ZNF407: variants seen among roughly 807,000 people sequenced by gnomAD.
ZNF407 encodes zinc finger protein 407.
Under a neutral mutation model 131.2 loss-of-function variants are expected in ZNF407, and 17 were observed. The ratio of observed to expected loss-of-function variants is 0.13; its 90% CI spans 0.09 to 0.19. ZNF407 has a LOEUF of 0.19. Ranked by LOEUF, ZNF407 falls within the 10% of genes least tolerant of loss-of-function variation. The probability of loss-of-function intolerance (pLI) is 1.00; values close to 1 mark genes in which losing one functional copy is unlikely to be tolerated. For missense variants in ZNF407, 2,681 were observed against 2,830.6 expected, an observed-to-expected ratio of 0.95 and a Z score of 1.20; for synonymous variants, 1,156 against 1,062.0, an observed-to-expected ratio of 1.09 and a Z score of -1.72.
Position 74,631,903 on chromosome 18 carries a change from C to T in ZNF407, c.884C>T (p.Thr295Ile). The change falls in exon 2 of 9, where the codon ACA becomes ATA. Residue 295 changes from threonine to isoleucine, a missense_variant. Thr to Ile is a moderately conservative substitution (Grantham distance 89, BLOSUM62 -1). This residue lies in a region of ZNF407 where 1,789 missense variants were observed against 1,748.7 expected (regional missense o/e 1.02). Coordinates refer to ENST00000299687, the MANE Select transcript of ZNF407 (RefSeq NM_017757.3). Reference protein sequence around the residue: ...TKQPFPKKSRTMATKNVHSKP... With the variant: ...TKQPFPKKSRIMATKNVHSKP... ...CAACCTTTTCCTAAAAAATCACGTA[C>T]AATGGCAACAAAAAATGTTCACTCA... is the stretch of plus-strand genomic sequence containing the variant. The T allele has an allele frequency of 6.2e-7, 1 of 1,613,778 alleles. No homozygotes were observed. The highest frequency in any genetic ancestry group is 8.5e-7 in the Non-Finnish European group (1 of 1,179,850).
intron 1 of ZNF407, among the ~76,000 whole-genome samples, chr18:74,627,310 G>A (rs997673254): frequency 6.6e-6 from 1 of 152,054 alleles, no homozygotes; most frequent in African/African-American, 2.4e-5. Context: ...TAAGATTTTG[G>A]GTGGTGTTTG....
chr18:74,715,744 T>C (rs1967878921), intron 3 of ZNF407, among the ~76,000 whole-genome samples: 1 of 152,220 alleles, frequency 6.6e-6, no homozygotes, highest in African/African-American at 2.4e-5. Flanking sequence ...TACAAGATGA[T>C]TTGAAATTTT....
Position 75,048,375 on chromosome 18 carries a change from T to C in ZNF407, c.5429-14775T>C, listed in dbSNP as rs1973459922. 6.6e-6 allele frequency among the ~76,000 whole-genome samples: 1 copy of C among 152,254 alleles called. No homozygotes were observed. Among genetic ancestry groups the C allele is most frequent in the African/African-American group, 2.4e-5 (1 of 41,460 alleles). ...TCCATGACCTCAGGTCTTGACTTTT[T>C]GGCTTTCTTGACTGGCTCTGACTGT... On this transcript the variant is annotated intron_variant, in intron 8 of 8. Transcript: ENST00000299687. The surrounding 1 kb of genome is among the most constrained non-coding windows in gnomAD (Gnocchi z 4.1).
intron 4 of ZNF407, among the ~76,000 whole-genome samples, chr18:74,866,753 A>G (rs1004566165): frequency 2.0e-5 from 3 of 149,758 alleles, no homozygotes; most frequent in African/African-American, 7.3e-5. Context: ...TATTTTATTC[A>G]TTGATTATTT....
chr18:74,797,987 T>C (rs745986246), intron 4 of ZNF407, among the ~76,000 whole-genome samples: 2 of 152,052 alleles, frequency 1.3e-5, no homozygotes, highest in Non-Finnish European at 2.9e-5. Flanking sequence ...TCTGGAATAG[T>C]GTACATGGGG....
At chr18:75,037,065 C>G (rs1252303345) in intron 8 of ZNF407, among the ~76,000 whole-genome samples, 1 of 152,194 alleles carries the variant, frequency 6.6e-6, no homozygotes, top group Non-Finnish European at 1.5e-5. Flanking sequence ...GTCAAATACA[C>G]ACAGACATCC....
intron 3 of ZNF407, among the ~76,000 whole-genome samples, chr18:74,669,521 G>T (rs1178715273): frequency 2.6e-5 from 4 of 152,146 alleles, no homozygotes; most frequent in Non-Finnish European, 4.4e-5. Context: ...GGCATCCAGT[G>T]TAGAGACCAT....
chr18:75,002,557 C>A (rs1972858117), intron 8 of ZNF407, among the ~76,000 whole-genome samples: 1 of 152,130 alleles, frequency 6.6e-6, no homozygotes, highest in Non-Finnish European at 1.5e-5. Flanking sequence ...AATCCCAGCA[C>A]TTTGGGAGGA....
chr18:74,928,833 G>C (rs1004853839), intron 8 of ZNF407, among the ~76,000 whole-genome samples: 2 of 152,212 alleles, frequency 1.3e-5, no homozygotes, highest in Non-Finnish European at 2.9e-5. Context: ...CCCTTTGGCC[G>C]AGAAGGGGAC....
chr18:74,754,894 G>A (rs558471042), intron 3 of ZNF407, among the ~76,000 whole-genome samples: 136 of 152,154 alleles, frequency 8.9e-4, no homozygotes, highest in African/African-American at 2.7e-3. Context: ...GTTCAATCCC[G>A]GATGTCCTTG....
At chr18:74,873,199 C>T (rs183591919) in intron 4 of ZNF407, among the ~76,000 whole-genome samples, 1 of 152,284 alleles carries the variant, frequency 6.6e-6, no homozygotes, top group East Asian at 1.9e-4. Context: ...TATTCTTTAA[C>T]TTTATTCATG....
At chr18:74,614,726 A>G (rs956778152) in intron 1 of ZNF407, among the ~76,000 whole-genome samples, 4 of 152,244 alleles carry the variant, frequency 2.6e-5, no homozygotes, top group Admixed American at 6.5e-5. Flanking sequence ...AGCTAGATTT[A>G]TAAATGATTG....
intron 4 of ZNF407, among the ~76,000 whole-genome samples, chr18:74,868,002 T>A (rs926799236): frequency 6.6e-6 from 1 of 152,250 alleles, no homozygotes; most frequent in Non-Finnish European, 1.5e-5. Context: ...TTTTCTTTTT[T>A]CTGTAAGCCT....
At position 74,754,907 on chromosome 18, in the gene ZNF407, A is replaced by C. The variant is rs145489385; in HGVS notation, c.4803-26521A>C. On this transcript the variant is annotated intron_variant, in intron 3 of 8. Transcript: ENST00000299687. ...GAGTTCAATCCCGGATGTCCTTGTTAACTTTCTGTCTCATTGATCTGTCTA... is the reference window on the plus strand; with the variant it reads ...GAGTTCAATCCCGGATGTCCTTGTTCACTTTCTGTCTCATTGATCTGTCTA... 4.0e-3 allele frequency among the ~76,000 whole-genome samples: 615 copies of C among 152,212 alleles called. 1 individual carries two copies. Among genetic ancestry groups the C allele is most frequent in the African/African-American group, 0.014 (584 of 41,518 alleles).
intron 3 of ZNF407, among the ~76,000 whole-genome samples, chr18:74,766,051 GTGTGTC>G (rs1187388837): frequency 1.8e-5 from 1 of 55,574 alleles, no homozygotes; most frequent in African/African-American, 5.3e-5. Flanking sequence ...GTGTGTGTGT[GTGTGTC>G]TGTGTCTGTG....
intron 4 of ZNF407, among the ~76,000 whole-genome samples, chr18:74,820,586 G>T (rs1970326775): frequency 6.6e-6 from 1 of 152,198 alleles, no homozygotes; most frequent in African/African-American, 2.4e-5. Flanking sequence ...AGCTGACATT[G>T]TGAAGTAGTT....
intron 8 of ZNF407, among the ~76,000 whole-genome samples, chr18:75,056,606 A>T (rs1290221601): frequency 6.6e-6 from 1 of 152,238 alleles, no homozygotes; most frequent in Non-Finnish European, 1.5e-5. Context: ...TACCAGTGTT[A>T]ACATAGAAAG....
chr18:74,690,972 G>A (rs1035792887), intron 3 of ZNF407, among the ~76,000 whole-genome samples: 1 of 152,160 alleles, frequency 6.6e-6, no homozygotes. Flanking sequence ...AAAAGAAGCT[G>A]AACTTTTTAA....
At chr18:74,887,121 C>A (rs1384266710) in intron 6 of ZNF407, among the ~76,000 whole-genome samples, 1 of 152,118 alleles carries the variant, frequency 6.6e-6, no homozygotes, top group African/African-American at 2.4e-5. Context: ...CATATGATTT[C>A]ATGATACAGA....
Sources: gnomAD v4.1 joint callset for allele counts (sites outside exome capture counted in the v4.1 genomes callset) on GRCh38, gnomAD v4.1.1 for gene constraint, gnomAD v4.1.1 regional missense constraint, Gnocchi (gnomAD v3.1) non-coding constraint, MANE v1.5 for transcripts, NCBI Gene and HGNC (gene_info 2026-07-23, HGNC 2026-07-21) for gene names.